NR6A1: variants seen among roughly 807,000 people sequenced by gnomAD.
The protein encoded by NR6A1 is nuclear receptor subfamily 6 group A member 1, also known as retinoic acid receptor-related testis-associated receptor.
NR6A1 carries 7 observed loss-of-function variants against 59.1 expected under a neutral mutation model. The ratio of observed to expected loss-of-function variants is 0.12; its 90% CI spans 0.07 to 0.22. The LOEUF is 0.22. Among genes scored for constraint, NR6A1 ranks in the 10% least tolerant of loss-of-function variants. NR6A1 has a pLI of 1.00. For synonymous variants in NR6A1, 243 were observed against 236.1 expected (o/e 1.03, Z -0.27); for missense variants, 468 against 611.6 (o/e 0.77, Z 2.48).
At chr9:124,625,167 T>C (rs1333353003) in intron 2 of NR6A1, among the ~76,000 whole-genome samples, 3 of 152,222 alleles carry the variant, frequency 2.0e-5, no homozygotes, top group African/African-American at 7.2e-5. Flanking sequence ...GTTGTAGCTC[T>C]ACCACTCACT....
chr9:124,673,609 G>A (rs1380428758), intron 2 of NR6A1, among the ~76,000 whole-genome samples: 4 of 152,080 alleles, frequency 2.6e-5, no homozygotes, highest in Non-Finnish European at 5.9e-5. Flanking sequence ...AGGAATGCCT[G>A]TGAAGATATA....
At chr9:124,628,255 T>A (rs1836308697) in intron 2 of NR6A1, among the ~76,000 whole-genome samples, 1 of 152,220 alleles carries the variant, frequency 6.6e-6, no homozygotes, top group Non-Finnish European at 1.5e-5. Flanking sequence ...CTTGAACTCC[T>A]GACCTCAGGT....
chr9:124,688,710 A>G (rs2131013303), intron 2 of NR6A1, among the ~76,000 whole-genome samples: 1 of 152,338 alleles, frequency 6.6e-6, no homozygotes, highest in Non-Finnish European at 1.5e-5. Flanking sequence ...CCTGCTCTAT[A>G]GCTATGGTCA....
rs374759520 is a variant in NR6A1, at chr9:124,693,784, A to C, written c.142+39524T>G. 46 of 534,432 alleles carry C rather than the reference A, an allele frequency of 8.6e-5. No individual in the cohort carries two copies. In the African/African-American group the frequency reaches 8.9e-4, roughly 10 times the overall value. The allele number at this position is 534,432 out of a possible 1,614,324, so 33.1% of individuals were successfully genotyped here. A position where few individuals can be genotyped will look rare whatever the true frequency, so the allele number is the denominator to read the frequency against. On this transcript the variant is annotated intron_variant, in intron 2 of 9. Transcript: ENST00000487099. ...TCAACTCACTGATCAATGAATGCAA[A>C]CTGCGGACCAAACAACCCAAAGGAA...
chr9:124,751,460 T>A (rs1840497272), intron 1 of NR6A1, among the ~76,000 whole-genome samples: 1 of 152,240 alleles, frequency 6.6e-6, no homozygotes, highest in African/African-American at 2.4e-5. Flanking sequence ...CTGGAAGTCC[T>A]CCTTACTTCA....
At chr9:124,555,326 G>A (rs1833892108) in intron 2 of NR6A1, among the ~76,000 whole-genome samples, 1 of 152,212 alleles carries the variant, frequency 6.6e-6, no homozygotes. Flanking sequence ...AAAGCACCCT[G>A]TGAACTGTGA....
At chr9:124,711,381 C>G (rs1839275328) in intron 2 of NR6A1, among the ~76,000 whole-genome samples, 1 of 151,682 alleles carries the variant, frequency 6.6e-6, no homozygotes, top group African/African-American at 2.4e-5. Flanking sequence ...CTTCCTTCAC[C>G]ACTGCCTTAA....
At chr9:124,525,072 CAG>C (rs1340084009) in intron 8 of NR6A1, among the ~76,000 whole-genome samples, 199 bp from the exon 9 acceptor site, 1 of 152,114 alleles carries the variant, frequency 6.6e-6, no homozygotes, top group Non-Finnish European at 1.5e-5. Flanking sequence ...GAAAAAAATA[CAG>C]AGGACAGTAA....
chr9:124,653,749 A>C (rs2130925888), intron 2 of NR6A1, among the ~76,000 whole-genome samples: 1 of 152,352 alleles, frequency 6.6e-6, no homozygotes, highest in East Asian at 1.9e-4. Flanking sequence ...AAATAAAATA[A>C]TGTAGGTCAA....
intron 2 of NR6A1, among the ~76,000 whole-genome samples, chr9:124,652,294 T>TGGGGTTACAACCCAGCTC (rs1473907232): frequency 6.6e-6 from 1 of 152,170 alleles, no homozygotes; most frequent in African/African-American, 2.4e-5. Context: ...CTTATCAGCT[T>TGGGGTTACAACCCAGCTC]GGGGTTACAA....
intron 2 of NR6A1, among the ~76,000 whole-genome samples, chr9:124,696,382 C>T (rs1838761493): frequency 6.6e-6 from 1 of 152,088 alleles, no homozygotes; most frequent in Non-Finnish European, 1.5e-5. Context: ...TTTTGTTTTT[C>T]AAAATAAAAG....
chr9:124,554,220 A>C, intron 3 of NR6A1, 108 bp downstream of exon 3: 16 of 1,500,888 alleles, frequency 1.1e-5, no homozygotes, highest in African/African-American at 2.8e-5. Context: ...TACAAACTAT[A>C]AGGCCTGATA....
At chr9:124,683,540 T>C (rs946686346) in intron 2 of NR6A1, among the ~76,000 whole-genome samples, 1 of 152,230 alleles carries the variant, frequency 6.6e-6, no homozygotes, top group South Asian at 2.1e-4. Flanking sequence ...ATGCCTGTAA[T>C]CCCAGCACTT....
chr9:124,768,971 G>T (rs1385262154), intron 1 of NR6A1, among the ~76,000 whole-genome samples: 1 of 152,080 alleles, frequency 6.6e-6, no homozygotes, highest in Non-Finnish European at 1.5e-5. Flanking sequence ...TTGGGGTTTG[G>T]ATTCAAAAAA....
At chr9:124,639,198 A>G (rs1251597289) in intron 2 of NR6A1, among the ~76,000 whole-genome samples, 1 of 152,186 alleles carries the variant, frequency 6.6e-6, no homozygotes. Context: ...AGTTAATACA[A>G]CTAGTTAGTG....
chr9:124,591,710 T>TA (rs1469179422), intron 2 of NR6A1, among the ~76,000 whole-genome samples: 4 of 152,154 alleles, frequency 2.6e-5, no homozygotes, highest in Non-Finnish European at 2.9e-5. Flanking sequence ...AAGACCCTGT[T>TA]AGAGTTAGCA....
intron 2 of NR6A1, among the ~76,000 whole-genome samples, chr9:124,613,545 A>G (rs1212835986): frequency 6.6e-6 from 1 of 151,968 alleles, no homozygotes; most frequent in Non-Finnish European, 1.5e-5. Context: ...CCTGTAGTCC[A>G]AGCTACTAGG....
chr9:124,540,283 G>C, intron 4 of NR6A1, 96 bp from the exon 5 acceptor site: 2 of 1,349,382 alleles, frequency 1.5e-6, no homozygotes, highest in Non-Finnish European at 2.0e-6. Context: ...GGATTTCCCA[G>C]AAACCTAGGT....
intron 2 of NR6A1, among the ~76,000 whole-genome samples, chr9:124,627,017 A>G (rs1386467748): frequency 6.6e-6 from 1 of 152,244 alleles, no homozygotes; most frequent in African/African-American, 2.4e-5. Context: ...TATTTATTGG[A>G]TAAGTACACA....
Sources: gnomAD v4.1 joint callset for allele counts (sites outside exome capture counted in the v4.1 genomes callset) on GRCh38, gnomAD v4.1.1 for gene constraint, MANE v1.5 for transcripts, NCBI Gene and HGNC (gene_info 2026-07-23, HGNC 2026-07-21) for gene names.